The following NMBR variants were observed in gnomAD, a reference collection of about 807,000 sequenced individuals.
NMBR encodes the protein neuromedin B receptor, also known as neuromedin-B receptor.
Under a neutral mutation model 20.5 loss-of-function variants are expected in NMBR, and 16 were observed. That is an observed-to-expected ratio of 0.78 (90% CI 0.53 to 1.19). The LOEUF (loss-of-function observed/expected upper bound fraction) is 1.19, where lower values mean the gene tolerates loss of function less well. Ranked by LOEUF, NMBR falls within the 50% of genes most tolerant of loss-of-function variation. The pLI, the probability that NMBR is intolerant of heterozygous loss-of-function variation, is 0.00. For synonymous variants in NMBR, 212 were observed against 196.6 expected, an observed-to-expected ratio of 1.08 and a Z score of -0.65; for missense variants, 582 against 499.1, an observed-to-expected ratio of 1.17 and a Z score of -1.58.
intron 1 of NMBR, among the ~76,000 whole-genome samples, chr6:142,097,273 G>A (rs1359788225): frequency 6.6e-6 from 1 of 152,094 alleles, no homozygotes; most frequent in Non-Finnish European, 1.5e-5. Flanking sequence ...AGCCTCGATG[G>A]TCTTTACAAT....
intron 1 of NMBR, among the ~76,000 whole-genome samples, chr6:142,135,494 TTTTA>T (rs1190378162): frequency 1.3e-5 from 2 of 152,118 alleles, no homozygotes; most frequent in South Asian, 2.1e-4. Flanking sequence ...TTTTCTTTTC[TTTTA>T]TTTATTATTA....
intron 1 of NMBR, among the ~76,000 whole-genome samples, chr6:142,114,892 T>C (rs1354235503): frequency 6.6e-6 from 1 of 152,046 alleles, no homozygotes; most frequent in Admixed American, 6.6e-5. Flanking sequence ...ATTTTACAGA[T>C]GACAAAACTA....
chr6:142,088,930 C>A lies in NMBR; in HGVS notation c.-272G>T, dbSNP rs892369732. 10 of 377,826 alleles carry A rather than the reference C, an allele frequency of 2.6e-5. No individual in the cohort carries two copies. Among genetic ancestry groups the A allele is most frequent in the Admixed American group, 8.1e-5 (2 of 24,668 alleles). The allele number at this position is 377,826 out of a possible 1,614,324, so 23.4% of individuals were successfully genotyped here. On this transcript the variant is annotated 5_prime_UTR_variant, in exon 2 of 4. Transcript: ENST00000258042. ...AAAAAAAAAAAAAGCAAAGCGGTTG[C>A]GTCTTTGTTCCGTATTCAGTGGTTT...
chr6:142,085,242 A>T (rs995468766), intron 2 of NMBR, among the ~76,000 whole-genome samples: 2 of 152,142 alleles, frequency 1.3e-5, no homozygotes, highest in Admixed American at 6.6e-5. Flanking sequence ...CACAGACACC[A>T]GCTAGGAGCA....
At chr6:142,109,463 A>T (rs1302754189) in intron 1 of NMBR, among the ~76,000 whole-genome samples, 1 of 150,744 alleles carries the variant, frequency 6.6e-6, no homozygotes, top group African/African-American at 2.4e-5. Context: ...AGTGTGTAAG[A>T]CATTGGGTAT....
At chr6:142,142,176 T>A (rs1582867561) in intron 1 of NMBR, among the ~76,000 whole-genome samples, 1 of 152,172 alleles carries the variant, frequency 6.6e-6, no homozygotes, top group African/African-American at 2.4e-5. Flanking sequence ...TATCCATATA[T>A]CGATTTTTAA....
At chr6:142,114,571 C>T (rs968683798) in intron 1 of NMBR, among the ~76,000 whole-genome samples, 3 of 152,082 alleles carry the variant, frequency 2.0e-5, no homozygotes, top group African/African-American at 4.8e-5. Flanking sequence ...AAAATAACAT[C>T]AGGGTTCAAG....
chr6:142,089,764 T>A (rs1370560942), intron 1 of NMBR, among the ~76,000 whole-genome samples: 1 of 152,206 alleles, frequency 6.6e-6, no homozygotes, highest in Non-Finnish European at 1.5e-5. Context: ...TATACCACAG[T>A]TTGTTTATCC....
At chr6:142,081,202 C>A (rs1777087344) in intron 2 of NMBR, among the ~76,000 whole-genome samples, 1 of 152,186 alleles carries the variant, frequency 6.6e-6, no homozygotes, top group East Asian at 1.9e-4. Context: ...GGGCCCCACT[C>A]TCATGACCTA....
At chr6:142,078,978 AAGAAAGGAAGAAAGGGAGAGAGAG>A (rs1379686180) in intron 2 of NMBR, 75 bp from the exon 3 acceptor site, 16 of 969,792 alleles carry the variant, frequency 1.6e-5, no homozygotes, top group Non-Finnish European at 1.9e-5. Flanking sequence ...AAGAAAGAAA[AAGAAAGGAAGAAAGGGAGAGAGAG>A]AGAAAGGAAG....
chr6:142,138,947 A>G (rs1270697706), intron 1 of NMBR, among the ~76,000 whole-genome samples: 2 of 152,166 alleles, frequency 1.3e-5, no homozygotes, highest in African/African-American at 4.8e-5. Context: ...GTACTTACTG[A>G]AAGGCCAGTT....
intron 1 of NMBR, among the ~76,000 whole-genome samples, chr6:142,144,042 G>A (rs979567250): frequency 8.5e-5 from 13 of 152,312 alleles, no homozygotes; most frequent in East Asian, 3.9e-4. Context: ...TTAAATATCC[G>A]TGTTTAAAAC....
At chr6:142,097,646 T>A (rs960545347) in intron 1 of NMBR, among the ~76,000 whole-genome samples, 1 of 152,012 alleles carries the variant, frequency 6.6e-6, no homozygotes, top group Non-Finnish European at 1.5e-5. Flanking sequence ...CAAGGTAAAA[T>A]TAAAATATCT....
At chr6:142,110,968 G>A (rs115832904) in intron 1 of NMBR, among the ~76,000 whole-genome samples, 1,673 of 152,210 alleles carry the variant, frequency 0.011, 40 homozygotes, top group African/African-American at 0.038. Flanking sequence ...GGCTGCGTGC[G>A]GTGGCTCACA....
intron 1 of NMBR, among the ~76,000 whole-genome samples, chr6:142,110,450 A>G (rs1388047090): frequency 3.9e-5 from 6 of 152,216 alleles, no homozygotes; most frequent in Admixed American, 2.6e-4. Flanking sequence ...GCTAAGTAAA[A>G]GAAGCTAATT....
intron 2 of NMBR, among the ~76,000 whole-genome samples, chr6:142,086,598 A>T (rs1293168354): frequency 6.6e-6 from 1 of 152,136 alleles, no homozygotes; most frequent in Non-Finnish European, 1.5e-5. Context: ...TAGCCTACGG[A>T]CCAAGTAGAA....
At chr6:142,110,470 C>T (rs531381261) in intron 1 of NMBR, among the ~76,000 whole-genome samples, 1 of 152,088 alleles carries the variant, frequency 6.6e-6, no homozygotes, top group South Asian at 2.1e-4. Context: ...TTTGAAAGAT[C>T]ACTATTGTAT....
intron 1 of NMBR, among the ~76,000 whole-genome samples, chr6:142,132,205 G>A (rs1180895422): frequency 1.3e-5 from 2 of 152,120 alleles, no homozygotes; most frequent in Non-Finnish European, 2.9e-5. Flanking sequence ...ACAATCTTTG[G>A]CAGATCACAA....
chr6:142,077,410 C>T (rs905919279), intron 3 of NMBR, among the ~76,000 whole-genome samples: 1 of 152,114 alleles, frequency 6.6e-6, no homozygotes, highest in Non-Finnish European at 1.5e-5. Context: ...ATACACAGGG[C>T]TCAAATTGGG....
Sources: gnomAD v4.1 joint callset for allele counts (sites outside exome capture counted in the v4.1 genomes callset) on GRCh38, gnomAD v4.1.1 for gene constraint, MANE v1.5 for transcripts, NCBI Gene and HGNC (gene_info 2026-07-23, HGNC 2026-07-21) for gene names.